The following RB1 variants were observed in gnomAD, a reference collection of about 807,000 sequenced individuals.
The protein encoded by RB1 is RB transcriptional corepressor 1, also known as retinoblastoma-associated protein.
RB1 carries 18 observed loss-of-function variants against 135.4 expected under a neutral mutation model. The observed-to-expected ratio is 0.13, with a 90% CI of 0.09 to 0.20. RB1 has a LOEUF of 0.20. RB1 is among the 10% of genes least tolerant of loss of function. RB1 has a pLI of 1.00. For missense variants in RB1, 868 were observed against 1,110.0 expected (o/e 0.78, Z 3.10); for synonymous variants, 365 against 373.2 (o/e 0.98, Z 0.25).
chr13:48,405,224 C>A (rs1368795462), intron 17 of RB1, among the ~76,000 whole-genome samples: 1 of 152,158 alleles, frequency 6.6e-6, no homozygotes, highest in African/African-American at 2.4e-5. Flanking sequence ...AGAATGCCTT[C>A]AACAACAAAA....
chr13:48,332,775 G>T (rs1952348813), intron 2 of RB1, among the ~76,000 whole-genome samples: 1 of 152,208 alleles, frequency 6.6e-6, no homozygotes, highest in Non-Finnish European at 1.5e-5. Flanking sequence ...TAGTGCAGTA[G>T]TGCCCCCTTA....
intron 21 of RB1, 40 bp from the exon 22 acceptor site, chr13:48,464,958 C>CTTTTTTTTTTTTTTTTTTT (rs553094345): frequency 4.8e-5 from 40 of 832,630 alleles, no homozygotes; most frequent in East Asian, 1.6e-4. Context: ...GTAAATTTTA[C>CTTTTTTTTTTTTTTTTTTT]TTTTTTTTTT....
intron 23 of RB1, among the ~76,000 whole-genome samples, chr13:48,472,806 C>G (rs1949480148): frequency 6.6e-6 from 1 of 152,038 alleles, no homozygotes; most frequent in Non-Finnish European, 1.5e-5. Context: ...GTTTTCAAAT[C>G]TTTGTCGAGT....
chr13:48,396,317 G>C (rs1948647966), intron 17 of RB1, among the ~76,000 whole-genome samples: 1 of 152,102 alleles, frequency 6.6e-6, no homozygotes, highest in African/African-American at 2.4e-5. Flanking sequence ...CAACGGAACA[G>C]AACAGAGACC....
At chr13:48,349,269 T>C (rs1218322072) in intron 6 of RB1, among the ~76,000 whole-genome samples, 2 of 151,852 alleles carry the variant, frequency 1.3e-5, no homozygotes, top group African/African-American at 2.4e-5. Flanking sequence ...AATAATGATG[T>C]TACTGTTTTC....
At chr13:48,439,980 A>G (rs1194115947) in intron 17 of RB1, among the ~76,000 whole-genome samples, 1 of 152,166 alleles carries the variant, frequency 6.6e-6, no homozygotes, top group South Asian at 2.1e-4. Flanking sequence ...ACATATATAC[A>G]TAAGTCTAAA....
intron 13 of RB1, among the ~76,000 whole-genome samples, chr13:48,378,191 T>TTAAC (rs1185620862): frequency 1.3e-5 from 2 of 152,174 alleles, no homozygotes; most frequent in African/African-American, 4.8e-5. Context: ...CAGTAGTAAA[T>TTAAC]TAACCATAGC....
chr13:48,304,445 G>T (rs779188765), intron 1 of RB1, among the ~76,000 whole-genome samples: 45 of 152,132 alleles, frequency 3.0e-4, no homozygotes, highest in Non-Finnish European at 5.3e-4. Flanking sequence ...TCCGGTGGTC[G>T]TCTGACTTTC....
At chr13:48,436,363 C>T (rs1949183449) in intron 17 of RB1, among the ~76,000 whole-genome samples, 1 of 152,128 alleles carries the variant, frequency 6.6e-6, no homozygotes, top group Admixed American at 6.5e-5. Context: ...AATCATGAGG[C>T]CAATTGCTGT....
Position 48,456,401 on chromosome 13 carries a change from G to C in RB1, c.1960+52G>C, listed in dbSNP as rs754754588. 4 of 1,598,748 alleles carry C rather than the reference G, an allele frequency of 2.5e-6. No individual in the cohort carries two copies. In the Admixed American group the frequency reaches 6.8e-5, roughly 27 times the overall value. ...ATGGACTCTGAAACTAGGCTGACTG[G>C]GTTCAAATCATGTTTCTTCTACTTT... On this transcript the variant is annotated intron_variant, in intron 19 of 26. Coordinates refer to ENST00000267163, the MANE Select transcript of RB1 (RefSeq NM_000321.3).
chr13:48,399,810 T>G (rs559676273), intron 17 of RB1, among the ~76,000 whole-genome samples: 1 of 152,028 alleles, frequency 6.6e-6, no homozygotes, highest in Non-Finnish European at 1.5e-5. Flanking sequence ...CTGAGTCCTA[T>G]GTCTGATCCC....
chr13:48,436,904 A>G (rs768175727), intron 17 of RB1, among the ~76,000 whole-genome samples: 14 of 152,174 alleles, frequency 9.2e-5, no homozygotes, highest in Non-Finnish European at 1.9e-4. Context: ...AAACAATAGC[A>G]ATTTCTGCCT....
intron 17 of RB1, among the ~76,000 whole-genome samples, chr13:48,419,865 A>G (rs1948978303): frequency 6.6e-6 from 1 of 152,230 alleles, no homozygotes; most frequent in African/African-American, 2.4e-5. Flanking sequence ...GAATAGACCA[A>G]TAACAAGTTC....
chr13:48,442,194 A>C (rs1277222121), intron 17 of RB1, among the ~76,000 whole-genome samples: 1 of 150,962 alleles, frequency 6.6e-6, no homozygotes, highest in Non-Finnish European at 1.5e-5. Flanking sequence ...TTCTTCCTAC[A>C]GTATGAATTT....
intron 17 of RB1, among the ~76,000 whole-genome samples, chr13:48,439,971 C>T (rs1046654588): frequency 1.3e-5 from 2 of 152,012 alleles, no homozygotes; most frequent in African/African-American, 4.8e-5. Flanking sequence ...TACATGCATA[C>T]ATATATACAT....
intron 1 of RB1, 127 bp downstream of exon 1, chr13:48,304,176 C>T (rs1274751721): frequency 2.3e-5 from 24 of 1,039,002 alleles, no homozygotes; most frequent in Non-Finnish European, 2.9e-5. Context: ...GAGGAGGCGC[C>T]CTCCCTGCCC....
intron 17 of RB1, among the ~76,000 whole-genome samples, chr13:48,382,837 T>C (rs1019434645): frequency 6.6e-6 from 1 of 152,124 alleles, no homozygotes; most frequent in East Asian, 1.9e-4. Context: ...GGTCTAACAT[T>C]TAAGTCTTTA....
At position 48,411,434 on chromosome 13, in the gene RB1, T is replaced by TA. The variant is rs767433920; in HGVS notation, c.1695+29992dup. The TA allele has an allele frequency of 1.3e-5, 21 of 1,613,264 alleles. No individual in the cohort carries two copies. The South Asian group carries it at 2.3e-4, about 18-fold the overall frequency. On this transcript the variant is annotated intron_variant, in intron 17 of 26. Coordinates refer to ENST00000267163, the MANE Select transcript of RB1 (RefSeq NM_000321.3). ...CAAATATCTTACTTTTTAAGGTCTG[T>TA]AGGTTATGCTGAATAAAATTCTCTG...
intron 1 of RB1, among the ~76,000 whole-genome samples, chr13:48,306,683 T>C (rs1343454801): frequency 6.6e-6 from 1 of 152,206 alleles, no homozygotes; most frequent in East Asian, 1.9e-4. Context: ...TCATAGTAAA[T>C]ACTCAAAAAT....
Sources: gnomAD v4.1 joint callset for allele counts (sites outside exome capture counted in the v4.1 genomes callset) on GRCh38, gnomAD v4.1.1 for gene constraint, MANE v1.5 for transcripts, NCBI Gene and HGNC (gene_info 2026-07-23, HGNC 2026-07-21) for gene names.